CMSS1: variants seen among roughly 807,000 people sequenced by gnomAD.
The protein encoded by CMSS1 is protein CMSS1.
In CMSS1, 33 loss-of-function variants were observed where a neutral mutation model predicts 43.5. The observed-to-expected ratio is 0.76, with a 90% CI of 0.57 to 1.01. The LOEUF (loss-of-function observed/expected upper bound fraction) is 1.01. CMSS1 is among the 50% of genes least tolerant of loss of function. The pLI is 0.00. For missense variants in CMSS1, 313 were observed against 326.4 expected, an observed-to-expected ratio of 0.96 and a Z score of 0.32; for synonymous variants, 115 against 117.2, an observed-to-expected ratio of 0.98 and a Z score of 0.12.
chr3:99,963,498 A>G (rs561587894), intron 1 of CMSS1, among the ~76,000 whole-genome samples: 1 of 152,372 alleles, frequency 6.6e-6, no homozygotes, highest in East Asian at 1.9e-4. Flanking sequence ...ACTGCTTGAA[A>G]GTATTAGAAG....
intron 1 of CMSS1, among the ~76,000 whole-genome samples, chr3:100,091,279 C>T (rs1312433337): frequency 4.2e-5 from 6 of 142,900 alleles, no homozygotes; most frequent in African/African-American, 1.6e-4. Context: ...AGCGAGACTC[C>T]GTCTCAAAAA....
At chr3:99,868,147 G>A (rs74389874) in intron 1 of CMSS1, among the ~76,000 whole-genome samples, 2,860 of 152,158 alleles carry the variant, frequency 0.019, 43 homozygotes, top group Non-Finnish European at 0.03. Context: ...AGCTCTCTTC[G>A]GTCCTTTACC....
At chr3:100,093,452 A>G (rs1468565314) in intron 1 of CMSS1, among the ~76,000 whole-genome samples, 1 of 152,116 alleles carries the variant, frequency 6.6e-6, no homozygotes, top group Non-Finnish European at 1.5e-5. Flanking sequence ...ATACTTTTTT[A>G]CAAAAAATAT....
At chr3:99,887,313 A>T (rs761202114) in intron 1 of CMSS1, among the ~76,000 whole-genome samples, 1 of 152,172 alleles carries the variant, frequency 6.6e-6, no homozygotes, top group Non-Finnish European at 1.5e-5. Context: ...GTAGATCTTC[A>T]TCAGAAGTTA....
intron 1 of CMSS1, among the ~76,000 whole-genome samples, chr3:99,992,079 CTT>C (rs918263313): frequency 6.6e-6 from 1 of 150,992 alleles, no homozygotes; most frequent in African/African-American, 2.4e-5. Context: ...TTAATGGACA[CTT>C]AGGTTAATTC....
chr3:99,939,349 G>C (rs2107674411), intron 1 of CMSS1, among the ~76,000 whole-genome samples: 1 of 152,274 alleles, frequency 6.6e-6, no homozygotes, highest in Middle Eastern at 3.4e-3. Context: ...ACTAAAGCAA[G>C]CCAAGCTACT....
chr3:99,863,018 G>A (rs1412053747), intron 1 of CMSS1, among the ~76,000 whole-genome samples: 1 of 152,118 alleles, frequency 6.6e-6, no homozygotes, highest in East Asian at 1.9e-4. Context: ...TTGTCTGCTG[G>A]GTTTAGATAC....
intron 1 of CMSS1, among the ~76,000 whole-genome samples, chr3:99,872,322 T>TGA (rs1553691604): frequency 8.5e-5 from 12 of 141,234 alleles, no homozygotes; most frequent in Non-Finnish European, 1.4e-4. Flanking sequence ...TGTGTGTGTG[T>TGA]GACTGTGGGG....
At chr3:99,953,675 A>G (rs1399184206) in intron 1 of CMSS1, among the ~76,000 whole-genome samples, 3 of 152,186 alleles carry the variant, frequency 2.0e-5, no homozygotes. Flanking sequence ...TATATTTGAA[A>G]CACTGATTAC....
intron 1 of CMSS1, among the ~76,000 whole-genome samples, chr3:100,076,085 T>G (rs2065845694): frequency 6.6e-6 from 1 of 152,218 alleles, no homozygotes; most frequent in Non-Finnish European, 1.5e-5. Flanking sequence ...TGATGCTTCC[T>G]GGAAACTCAC....
intron 1 of CMSS1, among the ~76,000 whole-genome samples, chr3:100,126,999 A>G (rs1305308888): frequency 3.4e-5 from 5 of 147,532 alleles, no homozygotes; most frequent in African/African-American, 2.5e-5. Flanking sequence ...CTCCGTCTCA[A>G]AAAAAAAAAA....
chr3:99,901,062 T>A (rs1706419551), intron 1 of CMSS1, among the ~76,000 whole-genome samples: 1 of 152,212 alleles, frequency 6.6e-6, no homozygotes, highest in Non-Finnish European at 1.5e-5. Context: ...TGGATAACAT[T>A]TGGTGTGGAA....
intron 1 of CMSS1, among the ~76,000 whole-genome samples, chr3:99,936,921 C>T (rs1707695196): frequency 6.6e-6 from 1 of 152,044 alleles, no homozygotes; most frequent in Non-Finnish European, 1.5e-5. Flanking sequence ...TTTGTTTTAA[C>T]TAGCTTATTT....
chr3:99,886,112 C>T (rs569185002), intron 1 of CMSS1, among the ~76,000 whole-genome samples: 9 of 152,356 alleles, frequency 5.9e-5, no homozygotes, highest in Non-Finnish European at 1.0e-4. Flanking sequence ...TGTGTGCACA[C>T]GTGCACATGG....
At chr3:99,853,889 T>C (rs1000701177) in intron 1 of CMSS1, among the ~76,000 whole-genome samples, 1 of 152,118 alleles carries the variant, frequency 6.6e-6, no homozygotes, top group Non-Finnish European at 1.5e-5. Context: ...AGCCATCAAC[T>C]TGGGAGCTCA....
chr3:100,163,231 A>C (rs2067040270), intron 4 of CMSS1, among the ~76,000 whole-genome samples: 1 of 152,214 alleles, frequency 6.6e-6, no homozygotes, highest in Non-Finnish European at 1.5e-5. Context: ...AAAAGTATGG[A>C]TGTGAAACAC....
intron 1 of CMSS1, among the ~76,000 whole-genome samples, chr3:99,978,895 AAGAAGC>A (rs1178847795): frequency 6.6e-6 from 1 of 152,174 alleles, no homozygotes; most frequent in East Asian, 1.9e-4. Context: ...ACAAAAAAAA[AAGAAGC>A]AGAAGTAGGG....
intron 1 of CMSS1, chr3:99,850,882 G>A (rs1354769906): frequency 1.9e-6 from 3 of 1,614,064 alleles, no homozygotes; most frequent in African/African-American, 2.7e-5. Context: ...CTTTGCATTT[G>A]TGGTCAGCTC....
chr3:100,021,262 C>T (rs73859919), intron 1 of CMSS1, among the ~76,000 whole-genome samples: 1 of 152,162 alleles, frequency 6.6e-6, no homozygotes, highest in Non-Finnish European at 1.5e-5. Flanking sequence ...CTATAGAGCT[C>T]TCCTTATATA....
Sources: gnomAD v4.1 joint callset for allele counts (sites outside exome capture counted in the v4.1 genomes callset) on GRCh38, gnomAD v4.1.1 for gene constraint, MANE v1.5 for transcripts, NCBI Gene and HGNC (gene_info 2026-07-23, HGNC 2026-07-21) for gene names.